The following WDR41 variants were observed in gnomAD, a reference collection of about 807,000 sequenced individuals.
WDR41 encodes the protein WD repeat-containing protein 41.
WDR41 carries 63 observed loss-of-function variants against 69.3 expected under a neutral mutation model. The ratio of observed to expected loss-of-function variants is 0.91; its 90% CI spans 0.74 to 1.12. WDR41 has a LOEUF of 1.12. WDR41 is among the 50% of genes most tolerant of loss of function. WDR41 has a pLI of 0.00. For synonymous variants in WDR41, 185 were observed against 192.1 expected (o/e 0.96, Z 0.31); for missense variants, 543 against 534.5 (o/e 1.02, Z -0.16).
chr5:77,451,527 G>T (rs1799628059), intron 6 of WDR41, 174 bp from the exon 7 acceptor site: 1 of 599,790 alleles, frequency 1.7e-6, no homozygotes, highest in Non-Finnish European at 2.9e-6. Context: ...GTTAAATGTA[G>T]GTTTCTGAGA....
At chr5:77,538,101 C>T (rs1743022652) in intron 1 of WDR41, among the ~76,000 whole-genome samples, 1 of 152,158 alleles carries the variant, frequency 6.6e-6, no homozygotes. Context: ...ACTCCTTCAT[C>T]CTACTGAATC....
At chr5:77,617,599 G>A (rs911632528) in intron 1 of WDR41, among the ~76,000 whole-genome samples, 5 of 152,152 alleles carry the variant, frequency 3.3e-5, no homozygotes, top group South Asian at 2.1e-4. Context: ...GATATATACC[G>A]ATATGGGAAA....
intron 1 of WDR41, among the ~76,000 whole-genome samples, chr5:77,549,898 C>A (rs2112238827): frequency 6.6e-6 from 1 of 152,176 alleles, no homozygotes; most frequent in African/African-American, 2.4e-5. Flanking sequence ...AAAACAGACA[C>A]ATAGACCAAT....
At chr5:77,506,275 A>G (rs1464503710) in intron 1 of WDR41, among the ~76,000 whole-genome samples, 1 of 152,248 alleles carries the variant, frequency 6.6e-6, no homozygotes, top group Non-Finnish European at 1.5e-5. Flanking sequence ...CAGCCAAAAG[A>G]CACATGAAAA....
chr5:77,541,374 G>C (rs1743084554), intron 1 of WDR41, among the ~76,000 whole-genome samples: 1 of 150,732 alleles, frequency 6.6e-6, no homozygotes, highest in South Asian at 2.2e-4. Flanking sequence ...CTGATCATTA[G>C]AGAAATGCAA....
chr5:77,560,647 G>T (rs932652789), intron 1 of WDR41, among the ~76,000 whole-genome samples: 1 of 152,032 alleles, frequency 6.6e-6, no homozygotes, highest in Non-Finnish European at 1.5e-5. Flanking sequence ...CCTTTGCGCC[G>T]ATTTCTTTTC....
chr5:77,596,154 T>C (rs1744223642), intron 1 of WDR41, among the ~76,000 whole-genome samples: 1 of 152,178 alleles, frequency 6.6e-6, no homozygotes, highest in Non-Finnish European at 1.5e-5. Context: ...ATCTAAAATG[T>C]AGAAGGTTTT....
chr5:77,543,924 T>C (rs1432757301), intron 1 of WDR41, among the ~76,000 whole-genome samples: 1 of 151,964 alleles, frequency 6.6e-6, no homozygotes, highest in African/African-American at 2.4e-5. Flanking sequence ...AGGTAACCCA[T>C]AAAGAAAAAC....
chr5:77,558,094 T>TTTAAAAAAAAAAAA lies in WDR41; in HGVS notation c.42+62384_42+62385insTTTTTTTTTTTTAA, dbSNP rs1554036365. Among the ~76,000 whole-genome samples, 18 of 104,268 alleles carry TTTAAAAAAAAAAAA rather than the reference T, an allele frequency of 1.7e-4. 1 individual carries two copies. Among genetic ancestry groups the TTTAAAAAAAAAAAA allele is most frequent in the Middle Eastern group, 5.3e-3 (1 of 188 alleles). The allele number at this position is 104,268 out of a possible 152,430, so 68.4% of individuals were successfully genotyped here. A position where few individuals can be genotyped will look rare whatever the true frequency, so the allele number is the denominator to read the frequency against. On this transcript the variant is annotated intron_variant, in intron 1 of 5. Transcript: ENST00000509971. ...CATAGGGAACTTCAAATGTTCTTTT[T>TTTAAAAAAAAAAAA]AAAAAAAAAAAAAAAAAAAAAACAA...
intron 2 of WDR41, 37 bp downstream of exon 2, chr5:77,489,420 C>A: frequency 7.4e-7 from 1 of 1,342,386 alleles, no homozygotes; most frequent in South Asian, 1.4e-5. Flanking sequence ...AAACCTCTTC[C>A]CAAACAATAG....
intron 1 of WDR41, among the ~76,000 whole-genome samples, chr5:77,541,080 T>C (rs2112224292): frequency 6.6e-6 from 1 of 152,304 alleles, no homozygotes; most frequent in Non-Finnish European, 1.5e-5. Context: ...ATTCTGTGTA[T>C]GCACTTCAGG....
intron 12 of WDR41, 75 bp from the exon 13 acceptor site, chr5:77,433,362 G>T: frequency 7.1e-7 from 1 of 1,413,478 alleles, no homozygotes; most frequent in Non-Finnish European, 9.6e-7. Context: ...TAACACATGT[G>T]CGTGTGAGAT....
chr5:77,439,667 G>A (rs1040933881), intron 9 of WDR41, among the ~76,000 whole-genome samples: 5 of 152,012 alleles, frequency 3.3e-5, no homozygotes, highest in East Asian at 1.9e-4. Context: ...AATAACTAAC[G>A]GTCCCTTATA....
intron 1 of WDR41, among the ~76,000 whole-genome samples, chr5:77,556,562 C>T (rs1429890859): frequency 6.6e-6 from 1 of 152,172 alleles, no homozygotes; most frequent in African/African-American, 2.4e-5. Flanking sequence ...CACGCGCCAC[C>T]ACACCCAGCT....
intron 2 of WDR41, among the ~76,000 whole-genome samples, chr5:77,465,587 T>G (rs1317453728): frequency 6.6e-6 from 1 of 152,052 alleles, no homozygotes; most frequent in African/African-American, 2.4e-5. Context: ...CGCAACAAAG[T>G]AGTATAAATA....
chr5:77,483,151 T>C (rs1175618305), intron 2 of WDR41, among the ~76,000 whole-genome samples: 1 of 151,806 alleles, frequency 6.6e-6, no homozygotes, highest in Non-Finnish European at 1.5e-5. Context: ...TTATTTTTCT[T>C]TTTTGAGACA....
chr5:77,608,981 A>T (rs866983040), intron 1 of WDR41, among the ~76,000 whole-genome samples: 2 of 151,250 alleles, frequency 1.3e-5, no homozygotes, highest in African/African-American at 2.4e-5. Context: ...GGGCTTAAAA[A>T]ACGGCGCACC....
chr5:77,597,785 A>G (rs1439996283), intron 1 of WDR41, among the ~76,000 whole-genome samples: 2 of 152,242 alleles, frequency 1.3e-5, no homozygotes, highest in Non-Finnish European at 2.9e-5. Flanking sequence ...AGCTTAAAAT[A>G]ATGTAACATT....
chr5:77,520,720 T>C (rs1802358489), intron 1 of WDR41, among the ~76,000 whole-genome samples: 1 of 152,194 alleles, frequency 6.6e-6, no homozygotes, highest in Non-Finnish European at 1.5e-5. Flanking sequence ...CTGTTCCCAA[T>C]TATTACAGAG....
Sources: allele counts gnomAD v4.1 joint callset (sites outside exome capture counted in the v4.1 genomes callset), GRCh38; gene constraint gnomAD v4.1.1; transcripts MANE v1.5; gene names NCBI Gene and HGNC (gene_info 2026-07-23, HGNC 2026-07-21).